Variants in AGMO observed in about 807,000 individuals in gnomAD.
AGMO encodes the protein alkylglycerol monooxygenase.
Under a neutral mutation model 60.2 loss-of-function variants are expected in AGMO, and 75 were observed. The observed-to-expected ratio is 1.25, with a 90% CI of 1.03 to 1.51. AGMO has a LOEUF of 1.51. Among genes scored for constraint, AGMO ranks in the 40% most tolerant of loss-of-function variants. The pLI is 0.00. For missense variants in AGMO, 763 were observed against 525.5 expected, an observed-to-expected ratio of 1.45 and a Z score of -4.42; for synonymous variants, 261 against 177.1, an observed-to-expected ratio of 1.47 and a Z score of -3.76.
At chr7:15,153,956 T>C in the AGMO span, among the ~76,000 whole-genome samples, 1,281 of 152,242 alleles carry the variant, frequency 8.4e-3, 19 homozygotes, top group African/African-American at 0.029. Context: ...TTTCACAATA[T>C]TGATTCTATC....
At chr7:15,364,612 A>G (rs564602707) in intron 12 of AGMO, among the ~76,000 whole-genome samples, 8 of 152,196 alleles carry the variant, frequency 5.3e-5, no homozygotes, top group East Asian at 3.9e-4. Flanking sequence ...GTGTGTGAGT[A>G]TATCATTTCA....
intron 12 of AGMO, among the ~76,000 whole-genome samples, chr7:15,250,604 T>G (rs1041437136): frequency 6.6e-6 from 1 of 151,660 alleles, no homozygotes; most frequent in African/African-American, 2.4e-5. Flanking sequence ...TATCACTAAA[T>G]TAATTTGCAG....
chr7:15,536,331 T>G (rs1204557814), intron 3 of AGMO, among the ~76,000 whole-genome samples: 1 of 151,918 alleles, frequency 6.6e-6, no homozygotes, highest in East Asian at 1.9e-4. Flanking sequence ...ACTTGTCGCT[T>G]CTCCAAAGCC....
At chr7:15,469,007 C>G (rs1299594160) in intron 3 of AGMO, among the ~76,000 whole-genome samples, 1 of 151,986 alleles carries the variant, frequency 6.6e-6, no homozygotes, top group Admixed American at 6.6e-5. Context: ...TCTTTTTCTT[C>G]CCAATTTGCA....
rs1563105695 is a variant in AGMO, at chr7:15,354,452, GTATACACACGTGTGTGTA to G, written c.1263+11044_1263+11061del. On this transcript the variant is annotated intron_variant, in intron 12 of 12. Coordinates refer to ENST00000342526, the MANE Select transcript of AGMO (RefSeq NM_001004320.2). Reference sequence around the variant, plus strand: ...CACGTGTGTGTATACACACGTGTGTGTATACACACGTGTGTGTATACACACGTGTGTATATACACACGT... The same window carrying G: ...CACGTGTGTGTATACACACGTGTGTGTACACACGTGTGTATATACACACGT... 1.6e-3 allele frequency among the ~76,000 whole-genome samples: 36 copies of G among 22,222 alleles called. 2 individuals are homozygous for G. Among genetic ancestry groups the G allele is most frequent in the South Asian group, 2.3e-3 (1 of 436 alleles). The allele number at this position is 22,222 out of a possible 152,430, so 14.6% of individuals were successfully genotyped here.
At chr7:15,315,356 T>TTTTTG (rs1780891467) in intron 12 of AGMO, among the ~76,000 whole-genome samples, 1 of 141,416 alleles carries the variant, frequency 7.1e-6, no homozygotes, top group African/African-American at 2.8e-5. Context: ...TTTTTTTTTT[T>TTTTTG]GAGACAGAGT....
At chr7:15,262,984 T>C (rs1772468597) in intron 12 of AGMO, among the ~76,000 whole-genome samples, 1 of 151,770 alleles carries the variant, frequency 6.6e-6, no homozygotes, top group South Asian at 2.1e-4. Flanking sequence ...TTCTAGAAGA[T>C]AACATTGTAA....
At chr7:15,366,925 G>C (rs1410388197) in intron 10 of AGMO, among the ~76,000 whole-genome samples, 2 of 152,006 alleles carry the variant, frequency 1.3e-5, no homozygotes, top group Non-Finnish European at 2.9e-5. Context: ...TCTGTCCATT[G>C]AGATTATTAG....
chr7:15,324,057 C>G (rs1781262913), intron 12 of AGMO, among the ~76,000 whole-genome samples: 1 of 152,162 alleles, frequency 6.6e-6, no homozygotes, highest in Non-Finnish European at 1.5e-5. Context: ...CCATATGTTG[C>G]TGTAACAATG....
At chr7:15,197,012 T>C (rs1045369337), downstream of AGMO, among the ~76,000 whole-genome samples, 13 of 151,844 alleles carry the variant, frequency 8.6e-5, no homozygotes, top group African/African-American at 3.1e-4. Flanking sequence ...GGAGTGAGAT[T>C]TGAAAAAAAT....
At chr7:15,123,514 T>C in the AGMO span, among the ~76,000 whole-genome samples, 1 of 152,062 alleles carries the variant, frequency 6.6e-6, no homozygotes, top group Non-Finnish European at 1.5e-5. Context: ...TGAATACTTA[T>C]ATTCACACAG....
At chr7:15,305,130 T>G (rs980956728) in intron 12 of AGMO, among the ~76,000 whole-genome samples, 2 of 151,880 alleles carry the variant, frequency 1.3e-5, no homozygotes, top group African/African-American at 4.8e-5. Flanking sequence ...TAGGTACTTA[T>G]TCATCATCTC....
intron 12 of AGMO, among the ~76,000 whole-genome samples, chr7:15,233,423 C>A (rs982654893): frequency 2.6e-5 from 4 of 152,028 alleles, no homozygotes; most frequent in African/African-American, 7.2e-5. Flanking sequence ...ACAGCCCTCT[C>A]CAGGGAGACT....
the AGMO span, among the ~76,000 whole-genome samples, chr7:15,154,217 C>T: frequency 6.6e-6 from 1 of 152,116 alleles, no homozygotes; most frequent in Admixed American, 6.5e-5. Context: ...AAATTAGTAG[C>T]TCTGCTATAT....
At chr7:15,221,609 G>C (rs750969818) in intron 12 of AGMO, among the ~76,000 whole-genome samples, 1 of 152,078 alleles carries the variant, frequency 6.6e-6, no homozygotes, top group Admixed American at 6.6e-5. Context: ...GATATGCTAC[G>C]TGGCTTTTGT....
In AGMO at chr7:15,431,073, G is replaced by A. The variant is rs777961226; in HGVS notation, c.445C>T (p.His149Tyr). Reference sequence around the variant, plus strand: ...GATAAGTTATAGTCTTCAGAACTATGATGTGTTTGGTGTCCGGCCCACATA... The same window carrying A: ...GATAAGTTATAGTCTTCAGAACTATAATGTGTTTGGTGTCCGGCCCACATA... ...NIMWAGHQTH[H>Y]SSEDYNLSTA... The change falls in exon 4 of 13, where the codon CAT (histidine) becomes TAT (tyrosine). Residue 149 changes from histidine to tyrosine, a missense_variant. His to Tyr is a moderately conservative substitution (Grantham distance 83). Transcript: ENST00000342526. 1 of 1,611,498 alleles carries A rather than the reference G, an allele frequency of 6.2e-7. No individual in the cohort carries two copies. Among genetic ancestry groups the A allele is most frequent in the Non-Finnish European group, 8.5e-7 (1 of 1,178,240 alleles).
chr7:15,547,485 C>A (rs1784814582), intron 2 of AGMO, among the ~76,000 whole-genome samples: 1 of 152,060 alleles, frequency 6.6e-6, no homozygotes, highest in Non-Finnish European at 1.5e-5. Flanking sequence ...CGAAGCAGGG[C>A]AAGGCATTGC....
At chr7:15,307,868 T>G (rs1780660938) in intron 12 of AGMO, among the ~76,000 whole-genome samples, 1 of 152,062 alleles carries the variant, frequency 6.6e-6, no homozygotes, top group African/African-American at 2.4e-5. Flanking sequence ...GACCCATACC[T>G]CCTTCATATC....
At chr7:15,373,721 G>A (rs1783331079) in intron 10 of AGMO, among the ~76,000 whole-genome samples, 1 of 152,002 alleles carries the variant, frequency 6.6e-6, no homozygotes, top group South Asian at 2.1e-4. Context: ...TAAACTTTAT[G>A]CATTGTCAAA....
Sources: gnomAD v4.1 joint callset for allele counts (sites outside exome capture counted in the v4.1 genomes callset) on GRCh38, gnomAD v4.1.1 for gene constraint, MANE v1.5 for transcripts, NCBI Gene and HGNC (gene_info 2026-07-23, HGNC 2026-07-21) for gene names.